Variants in NAV2 observed in about 807,000 individuals in gnomAD.
NAV2 encodes neuron navigator 2.
Under a neutral mutation model 223.2 loss-of-function variants are expected in NAV2, and 54 were observed. That is an observed-to-expected ratio of 0.24 (90% CI 0.19 to 0.30). NAV2 has a LOEUF of 0.30. NAV2 is among the 10% of genes least tolerant of loss of function. The pLI is 1.00. For missense variants in NAV2, 2,806 were observed against 3,147.5 expected (o/e 0.89, Z 2.60); for synonymous variants, 1,279 against 1,239.3 (o/e 1.03, Z -0.67).
At chr11:20,071,341 G>T (rs1447134028) in intron 22 of NAV2, among the ~76,000 whole-genome samples, 2 of 152,192 alleles carry the variant, frequency 1.3e-5, no homozygotes, top group Non-Finnish European at 2.9e-5. Context: ...TGTGCCACAT[G>T]TCTTTATCCA....
At chr11:19,374,543 A>C (rs1340582752) in intron 1 of NAV2, among the ~76,000 whole-genome samples, 1 of 152,214 alleles carries the variant, frequency 6.6e-6, no homozygotes, top group Non-Finnish European at 1.5e-5. Flanking sequence ...TTGTTTTGAT[A>C]CTTTATGTTG....
At position 19,939,710 on chromosome 11, in the gene NAV2, G is replaced by T. The variant is rs756145797; in HGVS notation, c.2083G>T (p.Gly695Cys). ...TGTTACTGCCGAGTCAAGCTCAACA[G>T]GTGTGAGCGTGGAGCCCAGCCACTT... ...GNVTAESSSTGVSVEPSHFTK... is the reference protein window; with the variant it reads ...GNVTAESSSTCVSVEPSHFTK... The change falls in exon 8 of 38, where the codon GGT becomes TGT. Residue 695 changes from glycine (G) to cysteine (C), a missense_variant. Gly to Cys is a radical substitution (Grantham distance 159). Around this residue, in one of 4 missense-constraint regions of NAV2, gnomAD observed 1,167 missense variants for 1,180.5 expected, o/e 0.99. Transcript: ENST00000349880. 23 of 1,614,148 alleles carry T rather than the reference G, an allele frequency of 1.4e-5. No individual in the cohort carries two copies. The highest frequency in any genetic ancestry group is 1.9e-5 in the Non-Finnish European group (23 of 1,180,012).
Position 19,868,916 on chromosome 11 carries a change from C to T in NAV2, c.439-9C>T, listed in dbSNP as rs1436112990. The stretch of plus-strand genomic sequence containing the variant: ...TTATTAAGTATATATTGTTGTTTTT[C>T]CCTCCTAGATTGAAAACATAGATGC... On this transcript the variant is annotated splice_polypyrimidine_tract_variant and intron_variant, in intron 3 of 37. Transcript: ENST00000349880. 1 of 1,607,202 alleles carries T rather than the reference C, an allele frequency of 6.2e-7. No individual in the cohort carries two copies. Among genetic ancestry groups the T allele is most frequent in the East Asian group, 2.3e-5 (1 of 44,410 alleles).
intron 6 of NAV2, among the ~76,000 whole-genome samples, chr11:19,917,818 G>A (rs2043933813): frequency 6.6e-6 from 1 of 152,182 alleles, no homozygotes; most frequent in South Asian, 2.1e-4. Context: ...CGCCATGTTG[G>A]CCAAGACAAG....
At chr11:19,752,404 A>G (rs564948254) in intron 1 of NAV2, among the ~76,000 whole-genome samples, 73 of 152,224 alleles carry the variant, frequency 4.8e-4, no homozygotes, top group African/African-American at 1.7e-3. Context: ...ATATACATAC[A>G]CTCAACTTCC....
At chr11:19,603,239 G>T (rs955924497) in intron 1 of NAV2, among the ~76,000 whole-genome samples, 2 of 152,142 alleles carry the variant, frequency 1.3e-5, no homozygotes, top group African/African-American at 4.8e-5. Flanking sequence ...CTGCAGCATG[G>T]AGCTGTATTA....
intron 20 of NAV2, among the ~76,000 whole-genome samples, chr11:20,064,270 G>A (rs2058895362): frequency 1.3e-5 from 2 of 152,180 alleles, no homozygotes; most frequent in African/African-American, 4.8e-5. Flanking sequence ...GTATTTACTA[G>A]CACCATGGAT....
intron 1 of NAV2, among the ~76,000 whole-genome samples, chr11:19,587,111 G>A (rs1288286077): frequency 1.3e-5 from 2 of 152,200 alleles, no homozygotes; most frequent in Admixed American, 1.3e-4. Flanking sequence ...CTGCCGCCTT[G>A]CAGTTTGATC....
At chr11:20,104,033 G>A (rs563493214) in intron 34 of NAV2, among the ~76,000 whole-genome samples, 4 of 152,292 alleles carry the variant, frequency 2.6e-5, no homozygotes, top group Admixed American at 6.5e-5. Flanking sequence ...AGGGTCAAGG[G>A]GGCAGCTCTG....
At chr11:19,974,056 A>C (rs1395256948) in intron 10 of NAV2, among the ~76,000 whole-genome samples, 1 of 152,224 alleles carries the variant, frequency 6.6e-6, no homozygotes, top group Non-Finnish European at 1.5e-5. Flanking sequence ...GTTAATGTGG[A>C]TATTGTCCCC....
At chr11:19,529,793 A>G (rs1453463420) in intron 1 of NAV2, among the ~76,000 whole-genome samples, 1 of 152,222 alleles carries the variant, frequency 6.6e-6, no homozygotes. Flanking sequence ...CGGTGAAGAG[A>G]CCAGCGGGCC....
chr11:19,801,891 ATGCCACATAG>A lies in NAV2; in HGVS notation c.268-30590_268-30581del, dbSNP rs575293616. Among the ~76,000 whole-genome samples, 13 of 152,330 alleles carry A rather than the reference ATGCCACATAG, an allele frequency of 8.5e-5. No individual in the cohort carries two copies. The South Asian group carries it at 2.3e-3, about 27-fold the overall frequency. Reference sequence around the variant, plus strand: ...GCATATAAAGCATGTAGTACGGTGTATGCCACATAGTGTGTGCTTAATAAGAGCTAAAATC... The same window carrying A: ...GCATATAAAGCATGTAGTACGGTGTATGTGTGCTTAATAAGAGCTAAAATC... On this transcript the variant is annotated intron_variant, in intron 1 of 37. Coordinates refer to ENST00000349880, the MANE Select transcript of NAV2 (RefSeq NM_145117.5).
At chr11:19,363,656 G>A (rs781377486) in intron 1 of NAV2, among the ~76,000 whole-genome samples, 4 of 152,112 alleles carry the variant, frequency 2.6e-5, no homozygotes, top group Non-Finnish European at 5.9e-5. Flanking sequence ...CTATCTGGCT[G>A]GAATTAGCAT....
chr11:19,733,571 G>A (rs1014191125), intron 1 of NAV2, among the ~76,000 whole-genome samples: 1 of 152,224 alleles, frequency 6.6e-6, no homozygotes, highest in Non-Finnish European at 1.5e-5. Flanking sequence ...TTCCTGACTT[G>A]ATAACATGGG....
chr11:20,098,695 A>G (rs2061439887), intron 31 of NAV2, among the ~76,000 whole-genome samples: 1 of 152,220 alleles, frequency 6.6e-6, no homozygotes. Context: ...CTTGAGCCTC[A>G]CACAGCCTCC....
At chr11:19,413,514 CAGA>C (rs1564917487) in intron 1 of NAV2, among the ~76,000 whole-genome samples, 1 of 152,096 alleles carries the variant, frequency 6.6e-6, no homozygotes, top group Non-Finnish European at 1.5e-5. Flanking sequence ...GGATATTATC[CAGA>C]AGAACTTCCA....
At chr11:19,835,616 C>G (rs1377224458) in intron 2 of NAV2, among the ~76,000 whole-genome samples, 1 of 151,968 alleles carries the variant, frequency 6.6e-6, no homozygotes, top group Non-Finnish European at 1.5e-5. Flanking sequence ...TGCTTTCCGC[C>G]ATACATGCCC....
At chr11:19,771,243 CA>C (rs1408833133) in intron 1 of NAV2, among the ~76,000 whole-genome samples, 2 of 152,122 alleles carry the variant, frequency 1.3e-5, no homozygotes, top group Non-Finnish European at 2.9e-5. Context: ...ACATCCATAA[CA>C]ACAAATGAAA....
intron 1 of NAV2, among the ~76,000 whole-genome samples, chr11:19,785,752 C>A (rs2057069370): frequency 6.6e-6 from 1 of 151,696 alleles, no homozygotes; most frequent in Non-Finnish European, 1.5e-5. Flanking sequence ...TGGTAGTTTT[C>A]ATTCCTTAGA....
Sources: gnomAD v4.1 joint callset for allele counts (sites outside exome capture counted in the v4.1 genomes callset) on GRCh38, gnomAD v4.1.1 for gene constraint, gnomAD v4.1.1 regional missense constraint, MANE v1.5 for transcripts, NCBI Gene and HGNC (gene_info 2026-07-23, HGNC 2026-07-21) for gene names.